Variants in SUCLG2 observed in about 807,000 individuals in gnomAD.
SUCLG2 encodes succinate--CoA ligase [GDP-forming] subunit beta, mitochondrial.
In SUCLG2, 42 loss-of-function variants were observed where a neutral mutation model predicts 47.9. That is an observed-to-expected ratio of 0.88 (90% CI 0.69 to 1.14). The LOEUF (loss-of-function observed/expected upper bound fraction) is 1.14, where lower values mean the gene tolerates loss of function less well. Ranked by LOEUF, SUCLG2 falls within the 50% of genes most tolerant of loss-of-function variation. The probability of loss-of-function intolerance (pLI) is 0.00; values close to 1 mark genes in which losing one functional copy is unlikely to be tolerated. For synonymous variants in SUCLG2, 195 were observed against 197.3 expected (o/e 0.99, Z 0.10); for missense variants, 571 against 525.9 (o/e 1.09, Z -0.84).
chr3:67,401,203 G>T (rs893964678), intron 9 of SUCLG2, among the ~76,000 whole-genome samples: 2 of 151,658 alleles, frequency 1.3e-5, no homozygotes, highest in Non-Finnish European at 2.9e-5. Context: ...CTTGCATTTA[G>T]GTTTTTTTCC....
chr3:67,395,985 C>A (rs919695061), intron 10 of SUCLG2, among the ~76,000 whole-genome samples: 1 of 151,966 alleles, frequency 6.6e-6, no homozygotes, highest in Non-Finnish European at 1.5e-5. Flanking sequence ...AGAACAAAGA[C>A]ACAACATACC....
At chr3:67,603,456 A>G (rs1708464282) in intron 2 of SUCLG2, among the ~76,000 whole-genome samples, 1 of 152,256 alleles carries the variant, frequency 6.6e-6, no homozygotes, top group East Asian at 1.9e-4. Context: ...CAAAAGAACA[A>G]GTTATCATAT....
rs3206428 is a variant in SUCLG2 at position 67,375,541 on chromosome 3, T to C, written c.*203A>G. On this transcript the variant is annotated 3_prime_UTR_variant, in exon 11 of 11. Coordinates refer to ENST00000307227, the MANE Select transcript of SUCLG2 (RefSeq NM_003848.4). Reference sequence around the variant, plus strand: ...GACAGAAAAGTATGAGAACACAAGATATTATTTTTATAAAGACCAAAATCA... The same window carrying C: ...GACAGAAAAGTATGAGAACACAAGACATTATTTTTATAAAGACCAAAATCA... The C allele has an allele frequency of 0.11, 142,194 of 1,353,830 alleles. 8,190 individuals carry two copies. The highest frequency in any genetic ancestry group is 0.12 in the Non-Finnish European group (123,792 of 1,053,732). The allele number at this position is 1,353,830 out of a possible 1,614,324, so 83.9% of individuals were successfully genotyped here.
At chr3:67,476,434 C>G (rs9846644) in intron 9 of SUCLG2, among the ~76,000 whole-genome samples, 5,596 of 152,028 alleles carry the variant, frequency 0.037, 249 homozygotes, top group African/African-American at 0.11. Flanking sequence ...ATCTGTCATT[C>G]TCTCCCATCA....
At chr3:67,528,042 C>T (rs1706301359) in intron 4 of SUCLG2, 90 bp downstream of exon 4, 1 of 1,164,934 alleles carries the variant, frequency 8.6e-7, no homozygotes, top group Non-Finnish European at 1.2e-6. Flanking sequence ...AAGAGCAGTA[C>T]TTCATTAGAT....
chr3:67,428,672 G>A lies in SUCLG2; in HGVS notation c.1063-27821C>T, dbSNP rs974172453. 2.2e-4 allele frequency among the ~76,000 whole-genome samples: 34 copies of A among 152,208 alleles called. 1 individual carries two copies. Among genetic ancestry groups the A allele is most frequent in the Admixed American group, 2.1e-3 (32 of 15,274 alleles). The stretch of plus-strand genomic sequence containing the variant: ...TTCTCCAAGCTAAAGGAGGACGTTC[G>A]AACCCATCGCAAAGAAGCTAAAAAC... On this transcript the variant is annotated intron_variant, in intron 9 of 10. Coordinates refer to ENST00000307227, the MANE Select transcript of SUCLG2 (RefSeq NM_003848.4).
intron 9 of SUCLG2, among the ~76,000 whole-genome samples, chr3:67,485,169 T>A (rs1705018996): frequency 6.6e-6 from 1 of 152,222 alleles, no homozygotes; most frequent in African/African-American, 2.4e-5. Context: ...ATAAATGACT[T>A]GCCGTTAATT....
chr3:67,627,197 TA>T (rs55662165), intron 1 of SUCLG2, among the ~76,000 whole-genome samples: 5,290 of 147,590 alleles, frequency 0.036, 101 homozygotes, highest in Middle Eastern at 0.059. Flanking sequence ...GCTTGACCAT[TA>T]AAAAAAAAAA....
Position 67,458,198 on chromosome 3 carries a change from C to T in SUCLG2, c.1062+37600G>A, listed in dbSNP as rs899710311. 2.6e-5 allele frequency among the ~76,000 whole-genome samples: 4 copies of T among 152,130 alleles called. No homozygotes were observed. In the East Asian group the frequency reaches 7.7e-4, roughly 29 times the overall value. ...ACAAGAACAGTGGAAGAATGGCCTA[C>T]CTAACCCCAGGCCAGATTGCTAAAT... is the stretch of plus-strand genomic sequence containing the variant. On this transcript the variant is annotated intron_variant, in intron 9 of 10. Transcript: ENST00000307227.
intron 10 of SUCLG2, among the ~76,000 whole-genome samples, chr3:67,391,764 C>G (rs951361850): frequency 6.6e-6 from 1 of 152,150 alleles, no homozygotes; most frequent in Non-Finnish European, 1.5e-5. Flanking sequence ...CCAGCAGAGC[C>G]AAGGTCCAGT....
At chr3:67,572,273 A>G (rs893245559) in intron 2 of SUCLG2, among the ~76,000 whole-genome samples, 13 of 152,196 alleles carry the variant, frequency 8.5e-5, no homozygotes, top group Non-Finnish European at 1.6e-4. Context: ...CAGATCCCCA[A>G]CCTATCACAA....
chr3:67,378,546 T>C (rs1379630703), intron 10 of SUCLG2, among the ~76,000 whole-genome samples: 1 of 152,120 alleles, frequency 6.6e-6, no homozygotes. Context: ...TGGAAGCAAA[T>C]TCTTCCCTAG....
At chr3:67,420,428 T>C (rs914493285) in intron 9 of SUCLG2, among the ~76,000 whole-genome samples, 2 of 152,220 alleles carry the variant, frequency 1.3e-5, no homozygotes, top group Non-Finnish European at 2.9e-5. Flanking sequence ...TATTTTCATC[T>C]CTGACTTCAA....
chr3:67,650,045 C>A (rs893139321), intron 1 of SUCLG2, among the ~76,000 whole-genome samples: 7 of 152,330 alleles, frequency 4.6e-5, no homozygotes, highest in African/African-American at 1.4e-4. Context: ...TATCACTTAA[C>A]GGTCTTCCCC....
chr3:67,411,721 T>G (rs1702937132), intron 9 of SUCLG2, among the ~76,000 whole-genome samples: 1 of 152,148 alleles, frequency 6.6e-6, no homozygotes, highest in South Asian at 2.1e-4. Flanking sequence ...ATCCCCACCT[T>G]TTGTTCATTC....
At chr3:67,413,020 TGCACATTCTCA>T (rs1466441495) in intron 9 of SUCLG2, among the ~76,000 whole-genome samples, 1 of 152,182 alleles carries the variant, frequency 6.6e-6, no homozygotes, top group Non-Finnish European at 1.5e-5. Flanking sequence ...CAAATAAAGC[TGCACATTCTCA>T]GCACAAGCCA....
At chr3:67,649,193 G>A (rs1376722540) in intron 1 of SUCLG2, among the ~76,000 whole-genome samples, 1 of 152,166 alleles carries the variant, frequency 6.6e-6, no homozygotes, top group African/African-American at 2.4e-5. Context: ...AGGGTAAGTG[G>A]TTGACAGAGG....
At chr3:67,511,492 A>AG (rs542344467) in intron 6 of SUCLG2, among the ~76,000 whole-genome samples, 4 of 152,006 alleles carry the variant, frequency 2.6e-5, no homozygotes, top group Non-Finnish European at 5.9e-5. Context: ...GGTTTTATAA[A>AG]GGGGGGGTTC....
At chr3:67,404,919 T>A (rs188228124) in intron 9 of SUCLG2, among the ~76,000 whole-genome samples, 407 of 151,918 alleles carry the variant, frequency 2.7e-3, no homozygotes, top group African/African-American at 9.3e-3. Context: ...TCCATGATGA[T>A]ACCAACAGCA....
Sources: allele counts gnomAD v4.1 joint callset (sites outside exome capture counted in the v4.1 genomes callset), GRCh38; gene constraint gnomAD v4.1.1; transcripts MANE v1.5; gene names NCBI Gene and HGNC (gene_info 2026-07-23, HGNC 2026-07-21).